RAVER2: variants seen among roughly 807,000 people sequenced by gnomAD.
The protein encoded by RAVER2 is ribonucleoprotein, PTB binding 2.
In RAVER2, 46 loss-of-function variants were observed where a neutral mutation model predicts 78.1. The ratio of observed to expected loss-of-function variants is 0.59; its 90% CI spans 0.46 to 0.75. RAVER2 has a LOEUF of 0.75. Among genes scored for constraint, RAVER2 ranks in the 30% least tolerant of loss-of-function variants. RAVER2 has a pLI of 0.00. For missense variants in RAVER2, 793 were observed against 837.5 expected (o/e 0.95, Z 0.66); for synonymous variants, 311 against 313.3 (o/e 0.99, Z 0.08).
chr1:64,751,548 C>T (rs879812073), intron 1 of RAVER2, among the ~76,000 whole-genome samples: 1 of 152,112 alleles, frequency 6.6e-6, no homozygotes, highest in Non-Finnish European at 1.5e-5. Context: ...TCTATTTGCA[C>T]TTATTCTTCT....
chr1:64,755,574 A>G (rs535997570), intron 1 of RAVER2, among the ~76,000 whole-genome samples: 14 of 151,802 alleles, frequency 9.2e-5, no homozygotes, highest in African/African-American at 3.4e-4. Context: ...TGCTTTTTAT[A>G]TCTTTCCTCA....
chr1:64,760,106 A>G lies in RAVER2; in HGVS notation c.250-8550A>G, dbSNP rs573867857. On this transcript the variant is annotated intron_variant, in intron 1 of 11. Transcript: ENST00000294428. ...AGCTGCTGTAAGGGTTGTGATGTGGAAAAAAAAAAAAAAAAGCCTGTGGAA... is the reference window on the plus strand; with the variant it reads ...AGCTGCTGTAAGGGTTGTGATGTGGGAAAAAAAAAAAAAAAGCCTGTGGAA... 8.3e-3 allele frequency among the ~76,000 whole-genome samples: 901 copies of G among 109,066 alleles called. 11 individuals are homozygous for G. The highest frequency in any genetic ancestry group is 0.04 in the African/African-American group (852 of 21,136). 71.6% of individuals were successfully genotyped at this position (109,066 alleles called of 152,430 possible).
intron 4 of RAVER2, among the ~76,000 whole-genome samples, chr1:64,787,934 T>A (rs1652827914): frequency 6.6e-6 from 1 of 152,186 alleles, no homozygotes; most frequent in Non-Finnish European, 1.5e-5. Flanking sequence ...CTTCTCCCTC[T>A]CAATTTCGCA....
At chr1:64,765,138 G>T (rs1267946783) in intron 1 of RAVER2, among the ~76,000 whole-genome samples, 1 of 152,138 alleles carries the variant, frequency 6.6e-6, no homozygotes, top group Non-Finnish European at 1.5e-5. Flanking sequence ...GGATCAGCAG[G>T]ACTTTTATCT....
In RAVER2 at chr1:64,808,519, C is replaced by A. The variant is rs187361050; in HGVS notation, c.1680+1045C>A. Among the ~76,000 whole-genome samples the A allele has an allele frequency of 5.1e-5, 7 of 136,812 alleles. No homozygotes were observed. The South Asian group carries it at 1.1e-3, about 22-fold the overall frequency. 89.8% of individuals were successfully genotyped at this position (136,812 alleles called of 152,430 possible). A position where few individuals can be genotyped will look rare whatever the true frequency, so the allele number is the denominator to read the frequency against. Reference sequence around the variant, plus strand: ...CTCTGTTGCCCAGGCTGGAATGCAGCGACACAACCTCGGCTCACTGCAACC... The same window carrying A: ...CTCTGTTGCCCAGGCTGGAATGCAGAGACACAACCTCGGCTCACTGCAACC... On this transcript the variant is annotated intron_variant, in intron 9 of 11. Transcript: ENST00000294428.
intron 8 of RAVER2, 57 bp downstream of exon 8, chr1:64,805,162 A>G (rs2100874908): frequency 2.1e-6 from 3 of 1,462,588 alleles, no homozygotes; most frequent in African/African-American, 1.4e-5. Context: ...AGATTTAAAG[A>G]TAGTTTACCT....
At chr1:64,777,843 T>A in exon 3 of RAVER2, 1 of 1,614,152 alleles carries the variant, frequency 6.2e-7, no homozygotes, top group Non-Finnish European at 8.5e-7. Flanking sequence ...GTGAAGTTAC[T>A]GGCCATTCCA....
At chr1:64,812,652 A>T in intron 9 of RAVER2, 86 bp from the exon 10 acceptor site, 3 of 798,388 alleles carry the variant, frequency 3.8e-6, no homozygotes, top group Non-Finnish European at 4.0e-6. Flanking sequence ...CACTAGATGT[A>T]TTGAAAAATA....
In RAVER2 at chr1:64,745,418, C is replaced by T; in HGVS notation, c.246C>T (p.Cys82=). 2.0e-6 allele frequency: 3 copies of T among 1,531,628 alleles called. No individual in the cohort carries two copies. The South Asian group carries it at 3.6e-5, about 18-fold the overall frequency. 94.9% of individuals were successfully genotyped at this position (1,531,628 alleles called of 1,614,324 possible). ...AAAACCTGCCCCAGGACAGCAACTG[C>T]CAGGTACTGGGACGGTGATAGGGGC... The change falls in exon 1 of 12, where the codon TGC becomes TGT. Residue 82 remains cysteine (C), a synonymous_variant. Transcript: ENST00000294428. This position sits in a 1 kb window ranked among gnomAD's most constrained non-coding sequence, Gnocchi z 4.3.
At chr1:64,776,016 T>C (rs1652450682) in intron 2 of RAVER2, among the ~76,000 whole-genome samples, 1 of 123,510 alleles carries the variant, frequency 8.1e-6, no homozygotes, top group Non-Finnish European at 1.6e-5. Context: ...CAGACTCTTG[T>C]CTCAAAAAAA....
At position 64,812,362 on chromosome 1, in the gene RAVER2, CAAAAAA is replaced by C. The variant is rs61411897; in HGVS notation, c.1681-360_1681-355del. ...GGGCAATAGAGTGAGATTCCATCTC[CAAAAAA>C]AAAAAAAAAAAAAAATAGGTAGATA... On this transcript the variant is annotated intron_variant, in intron 9 of 11. Coordinates refer to ENST00000294428, the Ensembl canonical transcript of RAVER2. Among the ~76,000 whole-genome samples the C allele has an allele frequency of 3.1e-4, 22 of 70,052 alleles. No homozygotes were observed. The South Asian group carries it at 3.9e-3, about 12-fold the overall frequency. 46.0% of individuals were successfully genotyped at this position (70,052 alleles called of 152,430 possible).
exon 3 of RAVER2, chr1:64,777,891 T>C: frequency 6.2e-7 from 1 of 1,614,120 alleles, no homozygotes; most frequent in South Asian, 1.1e-5. Flanking sequence ...AAAAGGACTT[T>C]GCTGCAAAGG....
chr1:64,806,071 A>T (rs1379857114), intron 8 of RAVER2, among the ~76,000 whole-genome samples: 2 of 152,244 alleles, frequency 1.3e-5, no homozygotes, highest in Non-Finnish European at 2.9e-5. Flanking sequence ...TACTAAAAAT[A>T]ATTGAAGAAA....
intron 11 of RAVER2, among the ~76,000 whole-genome samples, chr1:64,821,117 G>A (rs1321144089): frequency 1.3e-5 from 2 of 152,042 alleles, no homozygotes; most frequent in African/African-American, 4.8e-5. Flanking sequence ...GTGTGAGATG[G>A]TATCTCATTG....
chr1:64,817,665 A>G (rs1432940687), intron 11 of RAVER2, among the ~76,000 whole-genome samples: 1 of 149,398 alleles, frequency 6.7e-6, no homozygotes, highest in Non-Finnish European at 1.5e-5. Context: ...AGAAAACCAA[A>G]CACCACATGT....
rs370438181 is a variant in RAVER2, at chr1:64,783,495, T to C, written c.978+1924T>C. 2.1e-4 allele frequency among the ~76,000 whole-genome samples: 32 copies of C among 152,350 alleles called. 7 individuals are homozygous for C. The highest frequency in any genetic ancestry group is 3.9e-4 in the Admixed American group (6 of 15,308). ...CTCTGATGACCAGTGATGATGAGCA[T>C]TTTTTCATGTGTCTGTTGACTGCAT... On this transcript the variant is annotated intron_variant, in intron 4 of 11. Transcript: ENST00000294428.
chr1:64,762,994 G>T (rs1407015051), intron 1 of RAVER2, among the ~76,000 whole-genome samples: 3 of 152,212 alleles, frequency 2.0e-5, no homozygotes, highest in African/African-American at 7.2e-5. Flanking sequence ...TGACAAAGGA[G>T]ACTGATATCC....
At chr1:64,781,819 A>G (rs1652637856) in intron 4 of RAVER2, among the ~76,000 whole-genome samples, 1 of 152,184 alleles carries the variant, frequency 6.6e-6, no homozygotes, top group South Asian at 2.1e-4. Context: ...GAAATTTTTG[A>G]AGGAATTTCA....
In RAVER2 at chr1:64,803,105, T is replaced by C. The variant is rs200629449; in HGVS notation, c.1191+44T>C. On this transcript the variant is annotated intron_variant, in intron 6 of 11. Transcript: ENST00000294428. ...GTACTGAAGCATTAAATATTCGGAG[T>C]GAATATTTTGTTTGTTCTTAACACT... 3.6e-6 allele frequency: 5 copies of C among 1,388,518 alleles called. No individual in the cohort carries two copies. In the East Asian group the frequency reaches 9.2e-5, roughly 26 times the overall value. 86.0% of individuals were successfully genotyped at this position (1,388,518 alleles called of 1,614,324 possible). A position where few individuals can be genotyped will look rare whatever the true frequency, so the allele number is the denominator to read the frequency against.
Sources: gnomAD v4.1 joint callset for allele counts (sites outside exome capture counted in the v4.1 genomes callset) on GRCh38, gnomAD v4.1.1 for gene constraint, Gnocchi (gnomAD v3.1) non-coding constraint, MANE v1.5 for transcripts, NCBI Gene and HGNC (gene_info 2026-07-23, HGNC 2026-07-21) for gene names.